The following MICAL2 variants were observed in gnomAD, a reference collection of about 807,000 sequenced individuals.
The protein encoded by MICAL2 is microtubule associated monooxygenase, calponin and LIM domain containing 2.
Under a neutral mutation model 127.3 loss-of-function variants are expected in MICAL2, and 77 were observed. The observed-to-expected ratio is 0.60, with a 90% CI of 0.50 to 0.73. The LOEUF is 0.73. Among genes scored for constraint, MICAL2 ranks in the 30% least tolerant of loss-of-function variants. The pLI, the probability that MICAL2 is intolerant of heterozygous loss-of-function variation, is 0.00. For missense variants in MICAL2, 1,351 were observed against 1,434.4 expected, an observed-to-expected ratio of 0.94 and a Z score of 0.94; for synonymous variants, 570 against 551.1, an observed-to-expected ratio of 1.03 and a Z score of -0.48.
At chr11:12,324,063 A>C in exon 31 of MICAL2, 1 of 1,612,318 alleles carries the variant, frequency 6.2e-7, no homozygotes, top group East Asian at 2.2e-5. Context: ...AGACTCTATA[A>C]GGCTCAGGTC....
chr11:12,234,428 G>A (rs1388050985), intron 15 of MICAL2, among the ~76,000 whole-genome samples: 1 of 152,140 alleles, frequency 6.6e-6, no homozygotes, highest in Non-Finnish European at 1.5e-5. Context: ...CTGTGGAGCT[G>A]GGGGTCCAGA....
intron 15 of MICAL2, among the ~76,000 whole-genome samples, chr11:12,232,106 G>A (rs1858368819): frequency 6.6e-6 from 1 of 152,246 alleles, no homozygotes; most frequent in Admixed American, 6.5e-5. Context: ...TGTCTGGCAG[G>A]TGGAAGGTGC....
chr11:12,257,021 G>A (rs1289263162), intron 24 of MICAL2, 50 bp downstream of exon 24: 1 of 1,541,722 alleles, frequency 6.5e-7, no homozygotes, highest in Non-Finnish European at 8.7e-7. Flanking sequence ...GGCCTCAGGT[G>A]TGACCTTGGC....
intron 21 of MICAL2, among the ~76,000 whole-genome samples, chr11:12,246,045 C>T (rs1472018796): frequency 6.6e-6 from 1 of 152,258 alleles, no homozygotes; most frequent in Non-Finnish European, 1.5e-5. Context: ...CTGCCTTTCT[C>T]TCATCCCCAG....
chr11:12,305,367 A>AC (rs58232574), intron 29 of MICAL2, among the ~76,000 whole-genome samples: 3,563 of 152,082 alleles, frequency 0.023, 88 homozygotes, highest in East Asian at 0.14. Flanking sequence ...GGGGGAGACC[A>AC]CCCCCAAAAT....
At chr11:12,141,487 G>A (rs1431602110) in intron 2 of MICAL2, among the ~76,000 whole-genome samples, 1 of 152,112 alleles carries the variant, frequency 6.6e-6, no homozygotes, top group Non-Finnish European at 1.5e-5. Flanking sequence ...CCTGATCTTT[G>A]TAGCTTTGCC....
intron 2 of MICAL2, among the ~76,000 whole-genome samples, chr11:12,281,329 T>C (rs1863768644): frequency 6.6e-6 from 1 of 152,150 alleles, no homozygotes; most frequent in Admixed American, 6.5e-5. Flanking sequence ...GGGGAAGACA[T>C]CACGGGGACT....
intron 21 of MICAL2, 63 bp downstream of exon 21, chr11:12,244,175 C>A: frequency 6.3e-7 from 1 of 1,591,128 alleles, no homozygotes; most frequent in South Asian, 1.1e-5. Context: ...TCTCATGCTC[C>A]ACTTGACCTG....
intron 7 of MICAL2, among the ~76,000 whole-genome samples, chr11:12,215,545 C>T (rs765803170): frequency 3.3e-5 from 5 of 152,222 alleles, no homozygotes; most frequent in Non-Finnish European, 7.3e-5. Flanking sequence ...TGATAATTTG[C>T]ATTGCTAGTA....
intron 32 of MICAL2, among the ~76,000 whole-genome samples, chr11:12,340,010 G>C (rs1310056467): frequency 3.9e-5 from 6 of 152,138 alleles, no homozygotes; most frequent in Non-Finnish European, 8.8e-5. Context: ...CTTCTGCGTC[G>C]CTCACGCTGG....
At chr11:12,212,314 TA>T (rs950149039) in intron 6 of MICAL2, among the ~76,000 whole-genome samples, 28 of 150,922 alleles carry the variant, frequency 1.9e-4, no homozygotes, top group Admixed American at 4.6e-4. Flanking sequence ...CACAAACACT[TA>T]AAAAAAAATA....
chr11:12,175,163 G>T (rs58734473), intron 3 of MICAL2, among the ~76,000 whole-genome samples: 1 of 151,756 alleles, frequency 6.6e-6, no homozygotes, highest in South Asian at 2.1e-4. Context: ...CATGCCAGGT[G>T]CTAGGGACAT....
downstream of MICAL2, chr11:12,294,291 A>G (rs147731149): frequency 0.015 from 23,466 of 1,614,088 alleles, 200 homozygotes; most frequent in Non-Finnish European, 0.016. Context: ...CTCCTTTCCA[A>G]CTCTGAAGGC....
At chr11:12,275,901 C>T, upstream of MICAL2, 1 of 398,566 alleles carries the variant, frequency 2.5e-6, no homozygotes, top group East Asian at 3.6e-5. Flanking sequence ...AGACCCCAGG[C>T]CTAGAGGGGC....
At position 12,327,125 on chromosome 11, in the gene MICAL2, G is replaced by T. The variant is rs762404683; in HGVS notation, c.5422-48G>T. On this transcript the variant is annotated intron_variant, in intron 31 of 34. Transcript: ENST00000646065. ...AAGTGGCAGAATCAGCCCCTCTTGG[G>T]ACTCTATGTGGAAAGTCCTTGTGTG... is the stretch of plus-strand genomic sequence containing the variant. 26 of 1,504,964 alleles carry T rather than the reference G, an allele frequency of 1.7e-5. No individual in the cohort carries two copies. In the Middle Eastern group the frequency reaches 2.2e-3, roughly 127 times the overall value. 93.2% of individuals were successfully genotyped at this position (1,504,964 alleles called of 1,614,324 possible).
chr11:12,179,747 T>G (rs1857218792), intron 3 of MICAL2, among the ~76,000 whole-genome samples: 1 of 152,118 alleles, frequency 6.6e-6, no homozygotes, highest in Non-Finnish European at 1.5e-5. Flanking sequence ...CTGGCACTGT[T>G]AGAGAGAGCT....
chr11:12,358,575 C>T, downstream of MICAL2: 4 of 1,178,974 alleles, frequency 3.4e-6, no homozygotes, highest in East Asian at 2.6e-5. Flanking sequence ...GATTTATCAT[C>T]CCTGGAACTT....
At chr11:12,214,336 C>T (rs188721319) in intron 7 of MICAL2, among the ~76,000 whole-genome samples, 7 of 152,330 alleles carry the variant, frequency 4.6e-5, no homozygotes, top group East Asian at 1.9e-4. Flanking sequence ...CCGCCCCACA[C>T]GAGAATAGTC....
intron 15 of MICAL2, among the ~76,000 whole-genome samples, chr11:12,234,302 CA>C (rs35320196): frequency 0.023 from 3,133 of 136,284 alleles, 113 homozygotes; most frequent in African/African-American, 0.079. Context: ...AGGTAGAAAC[CA>C]AAAAAAAAAA....
Sources: allele counts gnomAD v4.1 joint callset (sites outside exome capture counted in the v4.1 genomes callset), GRCh38; gene constraint gnomAD v4.1.1; transcripts MANE v1.5; gene names NCBI Gene and HGNC (gene_info 2026-07-23, HGNC 2026-07-21).